Variants in ACOT7 observed in about 807,000 individuals in gnomAD.
ACOT7 encodes acyl-CoA thioesterase 7, also known as cytosolic acyl coenzyme A thioester hydrolase.
Under a neutral mutation model 40.2 loss-of-function variants are expected in ACOT7, and 12 were observed. The ratio of observed to expected loss-of-function variants is 0.30; its 90% CI spans 0.19 to 0.48. The LOEUF (loss-of-function observed/expected upper bound fraction) is 0.48. Ranked by LOEUF, ACOT7 falls within the 20% of genes least tolerant of loss-of-function variation. The probability of loss-of-function intolerance (pLI) is 0.99; values close to 1 mark genes in which losing one functional copy is unlikely to be tolerated. For synonymous variants in ACOT7, 228 were observed against 219.5 expected, an observed-to-expected ratio of 1.04 and a Z score of -0.34; for missense variants, 395 against 530.8, an observed-to-expected ratio of 0.74 and a Z score of 2.51.
chr1:6,346,325 C>T (rs958702539), intron 2 of ACOT7, among the ~76,000 whole-genome samples: 4 of 152,232 alleles, frequency 2.6e-5, no homozygotes, highest in Admixed American at 1.3e-4. Context: ...TGGCCTCAAA[C>T]TCCTGAGCTC....
chr1:6,365,765 C>T (rs543355055), intron 1 of ACOT7, among the ~76,000 whole-genome samples: 2 of 6,136 alleles, frequency 3.3e-4, no homozygotes, highest in South Asian at 9.1e-3. Context: ...AAGACCCCAT[C>T]TCAAAAAAAA....
intron 2 of ACOT7, 72 bp from the exon 3 acceptor site, chr1:6,339,661 C>A: frequency 6.4e-7 from 1 of 1,555,354 alleles, no homozygotes; most frequent in Non-Finnish European, 8.7e-7. Flanking sequence ...AGGACATGCC[C>A]CCTGGAAACG....
chr1:6,340,761 C>T (rs546508415), intron 2 of ACOT7, among the ~76,000 whole-genome samples: 17 of 151,992 alleles, frequency 1.1e-4, no homozygotes, highest in East Asian at 3.9e-4. Context: ...TTAGGCCGGG[C>T]GCGGTGGCTC....
chr1:6,276,783 A>G (rs1639204721), intron 8 of ACOT7, among the ~76,000 whole-genome samples: 1 of 152,176 alleles, frequency 6.6e-6, no homozygotes, highest in Non-Finnish European at 1.5e-5. Context: ...TATTTCTATC[A>G]ACATCAACAT....
intron 1 of ACOT7, among the ~76,000 whole-genome samples, chr1:6,389,043 G>GAA (rs137913430): frequency 7.4e-5 from 7 of 94,930 alleles, no homozygotes; most frequent in Non-Finnish European, 4.6e-5. Flanking sequence ...TCCGTCTCAA[G>GAA]AAAAAAAAAA....
At chr1:6,320,686 G>A (rs1376432570) in intron 5 of ACOT7, among the ~76,000 whole-genome samples, 1 of 152,152 alleles carries the variant, frequency 6.6e-6, no homozygotes, top group Admixed American at 6.5e-5. Flanking sequence ...GCAGGGCAGT[G>A]TGGCCCTGCT....
Position 6,273,783 on chromosome 1 carries a change from C to T in ACOT7, c.1014+7319G>A, listed in dbSNP as rs555087504. Among the ~76,000 whole-genome samples, 43 of 152,382 alleles carry T rather than the reference C, an allele frequency of 2.8e-4. No individual in the cohort carries two copies. The South Asian group carries it at 8.5e-3, about 30-fold the overall frequency. On this transcript the variant is annotated intron_variant, in intron 8 of 8. Transcript: ENST00000361521. ...CATCCCAGGGCGAGTGCAGAGGCTG[C>T]GCGCGGCCACCACACAGTGCTTCCG... is the stretch of plus-strand genomic sequence containing the variant.
rs368169882 is a variant in ACOT7, at chr1:6,327,289, C to T, written c.625+10G>A. 1.5e-5 allele frequency: 25 copies of T among 1,613,704 alleles called. No homozygotes were observed. The Admixed American group carries it at 1.8e-4, about 12-fold the overall frequency. On this transcript the variant is annotated intron_variant, in intron 5 of 8. Coordinates refer to ENST00000361521, the MANE Select transcript of ACOT7 (RefSeq NM_007274.4). ...GAGTGGCACCTGCTGCTGGTGTCCGCGGCTCTTACCTGGGTTGAGGACTGG... is the reference window on the plus strand; with the variant it reads ...GAGTGGCACCTGCTGCTGGTGTCCGTGGCTCTTACCTGGGTTGAGGACTGG...
chr1:6,377,435 A>C (rs572010355), intron 1 of ACOT7, among the ~76,000 whole-genome samples: 1 of 152,328 alleles, frequency 6.6e-6, no homozygotes, highest in East Asian at 1.9e-4. Context: ...ATTAAATGCA[A>C]AATCAAGTAA....
At chr1:6,353,018 A>G (rs1446497055) in intron 1 of ACOT7, among the ~76,000 whole-genome samples, 1 of 152,130 alleles carries the variant, frequency 6.6e-6, no homozygotes, top group Non-Finnish European at 1.5e-5. Flanking sequence ...AAGTGGGATT[A>G]CAAGCATGCA....
At chr1:6,318,287 C>T (rs1260065730) in intron 6 of ACOT7, among the ~76,000 whole-genome samples, 5 of 152,164 alleles carry the variant, frequency 3.3e-5, no homozygotes, top group African/African-American at 9.7e-5. Context: ...AACTCCTAAG[C>T]TCAGGCAATC....
chr1:6,342,846 G>T (rs1309607223), intron 2 of ACOT7, among the ~76,000 whole-genome samples: 1 of 152,206 alleles, frequency 6.6e-6, no homozygotes, highest in Non-Finnish European at 1.5e-5. Flanking sequence ...GAACAGCAGT[G>T]ACTGGCCTGG....
At chr1:6,296,539 T>G (rs1364799301) in intron 6 of ACOT7, among the ~76,000 whole-genome samples, 1 of 152,020 alleles carries the variant, frequency 6.6e-6, no homozygotes, top group African/African-American at 2.4e-5. Flanking sequence ...TTCTCCTGCC[T>G]CAGCCTCCCG....
At chr1:6,379,150 T>C (rs530206941) in intron 1 of ACOT7, among the ~76,000 whole-genome samples, 1 of 151,934 alleles carries the variant, frequency 6.6e-6, no homozygotes, top group Non-Finnish European at 1.5e-5. Context: ...CACCTCGGTC[T>C]CCCAAAGAGC....
Position 6,327,424 on chromosome 1 carries a change from C to T in ACOT7, c.511-11G>A. 2 of 1,613,924 alleles carry T rather than the reference C, an allele frequency of 1.2e-6. No individual in the cohort carries two copies. Among genetic ancestry groups the T allele is most frequent in the Non-Finnish European group, 1.7e-6 (2 of 1,179,890 alleles). On this transcript the variant is annotated splice_polypyrimidine_tract_variant and intron_variant, in intron 4 of 8. Transcript: ENST00000361521. ...CTCCTGCCGGGAATACTGCGAGAAACCAAAGACAGGTCAGGCCCAGGCAGG... is the reference window on the plus strand; with the variant it reads ...CTCCTGCCGGGAATACTGCGAGAAATCAAAGACAGGTCAGGCCCAGGCAGG...
chr1:6,366,589 A>G lies in ACOT7; in HGVS notation c.144-16723T>C, dbSNP rs577358384. On this transcript the variant is annotated intron_variant, in intron 1 of 8. Coordinates refer to ENST00000361521, the MANE Select transcript of ACOT7 (RefSeq NM_007274.4). ...GTGACAGAGTGGGAGCCTATCTCAA[A>G]TAAAAAAAAAAAAAAAGATTTCTCT... Among the ~76,000 whole-genome samples, 796 of 149,450 alleles carry G rather than the reference A, an allele frequency of 5.3e-3. 9 individuals are homozygous for G. Among genetic ancestry groups the G allele is most frequent in the African/African-American group, 0.019 (753 of 39,612 alleles).
At chr1:6,267,197 G>C (rs1013900267) in intron 8 of ACOT7, among the ~76,000 whole-genome samples, 1 of 152,226 alleles carries the variant, frequency 6.6e-6, no homozygotes, top group African/African-American at 2.4e-5. Flanking sequence ...AGCCAGGTCC[G>C]GCCTGAGGAG....
At chr1:6,357,439 C>T (rs942078189) in intron 1 of ACOT7, among the ~76,000 whole-genome samples, 2 of 152,230 alleles carry the variant, frequency 1.3e-5, no homozygotes, top group African/African-American at 4.8e-5. Context: ...TTACTGCCCC[C>T]TTCTGACAAA....
intron 5 of ACOT7, among the ~76,000 whole-genome samples, chr1:6,323,666 C>T (rs1418647388): frequency 7.3e-6 from 1 of 136,748 alleles, no homozygotes; most frequent in East Asian, 2.2e-4. Context: ...TGCAGTGAGC[C>T]GAGATCGCAC....
Sources: allele counts gnomAD v4.1 joint callset (sites outside exome capture counted in the v4.1 genomes callset), GRCh38; gene constraint gnomAD v4.1.1; transcripts MANE v1.5; gene names NCBI Gene and HGNC (gene_info 2026-07-23, HGNC 2026-07-21).